Variants in ASB18 observed in about 807,000 individuals in gnomAD.
ASB18 encodes ankyrin repeat and SOCS box protein 18.
ASB18 carries 33 observed loss-of-function variants against 33.4 expected under a neutral mutation model. The ratio of observed to expected loss-of-function variants is 0.99; its 90% CI spans 0.75 to 1.32. ASB18 has a LOEUF of 1.32. Among genes scored for constraint, ASB18 ranks in the 40% most tolerant of loss-of-function variants. The pLI is 0.00. For missense variants in ASB18, 694 were observed against 655.5 expected, an observed-to-expected ratio of 1.06 and a Z score of -0.64; for synonymous variants, 295 against 307.6, an observed-to-expected ratio of 0.96 and a Z score of 0.43.
chr2:236,202,899 T>A (rs1389634103), intron 4 of ASB18, among the ~76,000 whole-genome samples: 1 of 151,798 alleles, frequency 6.6e-6, no homozygotes, highest in Non-Finnish European at 1.5e-5. Flanking sequence ...CATTTCTCTC[T>A]TAACCAGTTC....
Position 236,231,453 on chromosome 2 carries a change from C to A in ASB18, c.596+6236G>T, listed in dbSNP as rs2060564211. 6.6e-6 allele frequency among the ~76,000 whole-genome samples: 1 copy of A among 152,166 alleles called. No homozygotes were observed. ...TTTGCCTCTTCCATTTTTTCTGCTC[C>A]TCTGCCATGTGACAATGCAGCAACA... On this transcript the variant is annotated intron_variant, in intron 3 of 5. Transcript: ENST00000409749. The surrounding 1 kb of genome is among the most constrained non-coding windows in gnomAD (Gnocchi z 5.5).
chr2:236,207,712 C>T (rs576739810), intron 4 of ASB18, among the ~76,000 whole-genome samples: 1 of 152,340 alleles, frequency 6.6e-6, no homozygotes, highest in Non-Finnish European at 1.5e-5. Context: ...CTTCTTCCTG[C>T]TACCCTCTTC....
At position 236,244,245 on chromosome 2, in the gene ASB18, A is replaced by G. The variant is rs541211781; in HGVS notation, c.206-2843T>C. On this transcript the variant is annotated intron_variant, in intron 1 of 5. Coordinates refer to ENST00000409749, the MANE Select transcript of ASB18 (RefSeq NM_212556.4). This position sits in a 1 kb window ranked among gnomAD's most constrained non-coding sequence, Gnocchi z 6.1. ...GCACATGAGTTACGATACAAACTAT[A>G]TGAGCAGAGGCTGGAGGGAGGTGAA... is the stretch of plus-strand genomic sequence containing the variant. Among the ~76,000 whole-genome samples the G allele has an allele frequency of 6.6e-6, 1 of 152,354 alleles. No individual in the cohort carries two copies. Among genetic ancestry groups the G allele is most frequent in the African/African-American group, 2.4e-5 (1 of 41,578 alleles).
At chr2:236,230,387 C>G (rs1381457817) in intron 3 of ASB18, among the ~76,000 whole-genome samples, 3 of 149,570 alleles carry the variant, frequency 2.0e-5, no homozygotes, top group Non-Finnish European at 4.4e-5. Flanking sequence ...GAAAATGATA[C>G]TAGATGGAAT....
Position 236,256,776 on chromosome 2 carries a change from C to T in ASB18, c.205+7365G>A, listed in dbSNP as rs1042675814. On this transcript the variant is annotated intron_variant, in intron 1 of 5. Coordinates refer to ENST00000409749, the MANE Select transcript of ASB18 (RefSeq NM_212556.4). The surrounding 1 kb of genome is among the most constrained non-coding windows in gnomAD (Gnocchi z 4.7). ...AGTTCATACTTGGGGGGAGCTGAGA[C>T]GCGACCCTGTAGGATTTTTTTTCTT... Among the ~76,000 whole-genome samples the T allele has an allele frequency of 3.9e-5, 6 of 152,162 alleles. No individual in the cohort carries two copies. The highest frequency in any genetic ancestry group is 7.3e-5 in the Non-Finnish European group (5 of 68,042).
Position 236,223,899 on chromosome 2 carries a change from A to G in ASB18, c.597-9033T>C, listed in dbSNP as rs1559332192. ...GAGTCATATTCAATTGTATGGATATACCACAATTTTAAGCCATTTTCCCAT... is the reference window on the plus strand; with the variant it reads ...GAGTCATATTCAATTGTATGGATATGCCACAATTTTAAGCCATTTTCCCAT... On this transcript the variant is annotated intron_variant, in intron 3 of 5. Coordinates refer to ENST00000409749, the MANE Select transcript of ASB18 (RefSeq NM_212556.4). This position sits in a 1 kb window ranked among gnomAD's most constrained non-coding sequence, Gnocchi z 4.6. 6.6e-6 allele frequency among the ~76,000 whole-genome samples: 1 copy of G among 152,194 alleles called. No individual in the cohort carries two copies. The highest frequency in any genetic ancestry group is 1.5e-5 in the Non-Finnish European group (1 of 68,034).
rs1230488583 is a variant in ASB18, at chr2:236,223,526, T to C, written c.597-8660A>G. 6.6e-6 allele frequency among the ~76,000 whole-genome samples: 1 copy of C among 152,234 alleles called. No homozygotes were observed. The highest frequency in any genetic ancestry group is 1.5e-5 in the Non-Finnish European group (1 of 68,038). ...GAAACATTGTATGCATGTAGGTATG[T>C]ATGTATATTTTAATACAATAACTTC... On this transcript the variant is annotated intron_variant, in intron 3 of 5. Coordinates refer to ENST00000409749, the MANE Select transcript of ASB18 (RefSeq NM_212556.4). The surrounding 1 kb of genome is among the most constrained non-coding windows in gnomAD (Gnocchi z 4.6).
rs2060517575 is a variant in ASB18 at position 236,222,599 on chromosome 2, C to T, written c.597-7733G>A. Among the ~76,000 whole-genome samples, 1 of 152,182 alleles carries T rather than the reference C, an allele frequency of 6.6e-6. No homozygotes were observed. The highest frequency in any genetic ancestry group is 2.4e-5 in the African/African-American group (1 of 41,450). ...TCATATTGAAATGTAATCCCCAATG[C>T]TGGGGGCAGGATGGGGCCTGGTGGG... On this transcript the variant is annotated intron_variant, in intron 3 of 5. Transcript: ENST00000409749. This position sits in a 1 kb window ranked among gnomAD's most constrained non-coding sequence, Gnocchi z 5.5.
intron 3 of ASB18, among the ~76,000 whole-genome samples, chr2:236,233,430 C>G (rs553279186): frequency 6.6e-6 from 1 of 151,880 alleles, no homozygotes; most frequent in South Asian, 2.1e-4. Flanking sequence ...GAGGTTCTAG[C>G]CAGTGCAATA....
Position 236,229,779 on chromosome 2 carries a change from T to C in ASB18, c.596+7910A>G, listed in dbSNP as rs894143205. Among the ~76,000 whole-genome samples the C allele has an allele frequency of 6.6e-6, 1 of 152,112 alleles. No individual in the cohort carries two copies. Among genetic ancestry groups the C allele is most frequent in the Non-Finnish European group, 1.5e-5 (1 of 68,028 alleles). On this transcript the variant is annotated intron_variant, in intron 3 of 5. Coordinates refer to ENST00000409749, the MANE Select transcript of ASB18 (RefSeq NM_212556.4). This position sits in a 1 kb window ranked among gnomAD's most constrained non-coding sequence, Gnocchi z 5.2. ...TCATGTGAATCCGGGAAGCAGAGGTTGCAGTGAGCTGAGATCATGCCACTG... is the reference window on the plus strand; with the variant it reads ...TCATGTGAATCCGGGAAGCAGAGGTCGCAGTGAGCTGAGATCATGCCACTG...
intron 4 of ASB18, among the ~76,000 whole-genome samples, chr2:236,210,102 G>A (rs1043977172): frequency 3.3e-5 from 5 of 152,238 alleles, no homozygotes; most frequent in Non-Finnish European, 5.9e-5. Context: ...TCACCTTAGT[G>A]TGTGTACTTG....
At chr2:236,198,185 A>G (rs1454908975) in intron 4 of ASB18, among the ~76,000 whole-genome samples, 1 of 152,136 alleles carries the variant, frequency 6.6e-6, no homozygotes, top group Admixed American at 6.6e-5. Flanking sequence ...TGACAAACTA[A>G]AAAAAATTCA....
At position 236,193,822 on chromosome 2, in the gene ASB18, G is replaced by A. The variant is rs1041343854; in HGVS notation, c.*1050C>T. Among the ~76,000 whole-genome samples the A allele has an allele frequency of 6.6e-6, 1 of 152,112 alleles. No individual in the cohort carries two copies. Among genetic ancestry groups the A allele is most frequent in the Non-Finnish European group, 1.5e-5 (1 of 68,026 alleles). On this transcript the variant is annotated 3_prime_UTR_variant, in exon 6 of 6. Transcript: ENST00000409749. This position sits in a 1 kb window ranked among gnomAD's most constrained non-coding sequence, Gnocchi z 5.0. ...GAAACAAGACTGATTCCTGGGCAAGGCCACTGTCTGTATGGGTTTTCTCTG... is the reference window on the plus strand; with the variant it reads ...GAAACAAGACTGATTCCTGGGCAAGACCACTGTCTGTATGGGTTTTCTCTG...
In ASB18 at chr2:236,257,079, C is replaced by T. The variant is rs2060695909; in HGVS notation, c.205+7062G>A. Among the ~76,000 whole-genome samples, 1 of 152,152 alleles carries T rather than the reference C, an allele frequency of 6.6e-6. No homozygotes were observed. The highest frequency in any genetic ancestry group is 1.5e-5 in the Non-Finnish European group (1 of 68,032). On this transcript the variant is annotated intron_variant, in intron 1 of 5. Transcript: ENST00000409749. This position sits in a 1 kb window ranked among gnomAD's most constrained non-coding sequence, Gnocchi z 5.5. Reference sequence around the variant, plus strand: ...GTATTTCTAATAAATTCCACTTGATCTGGGTGAATCAATTCAGGCAGCGCA... The same window carrying T: ...GTATTTCTAATAAATTCCACTTGATTTGGGTGAATCAATTCAGGCAGCGCA...
chr2:236,198,865 T>C (rs561284545), intron 4 of ASB18, among the ~76,000 whole-genome samples: 1 of 152,322 alleles, frequency 6.6e-6, no homozygotes, highest in African/African-American at 2.4e-5. Flanking sequence ...TCAATATTAA[T>C]ATTTCTTGTC....
chr2:236,214,483 GC>G lies in ASB18; in HGVS notation c.979del (p.Ala327ProfsTer43). 1 of 1,499,108 alleles carries G rather than the reference GC, an allele frequency of 6.7e-7. No individual in the cohort carries two copies. Among genetic ancestry groups the G allele is most frequent in the Admixed American group, 2.1e-5 (1 of 47,954 alleles). 92.9% of individuals were successfully genotyped at this position (1,499,108 alleles called of 1,614,324 possible). On this transcript the variant is annotated frameshift_variant, in exon 4 of 6. Coordinates refer to ENST00000409749, the MANE Select transcript of ASB18 (RefSeq NM_212556.4). LOFTEE classifies it high-confidence loss of function. This position sits in a 1 kb window ranked among gnomAD's most constrained non-coding sequence, Gnocchi z 6.5. ...CTGGAGCACGCGGCCCAGCGGCGAG[GC>G]CCCGCCATAGTCGAGCGCGCCCGCG... The part of the protein sequence containing the change: ...ADAGALDYGG[A>X]SPLGRVLQTA...
rs2060361593 is a variant in ASB18, at chr2:236,194,461, A to G, written c.*411T>C. 6.6e-6 allele frequency among the ~76,000 whole-genome samples: 1 copy of G among 152,236 alleles called. No homozygotes were observed. The highest frequency in any genetic ancestry group is 2.4e-5 in the African/African-American group (1 of 41,466). The stretch of plus-strand genomic sequence containing the variant: ...CTTTTTGTGACCAGAAATATGCTGT[A>G]GGAACATCATTCTTGTTTATATCAA... On this transcript the variant is annotated 3_prime_UTR_variant, in exon 6 of 6. Coordinates refer to ENST00000409749, the MANE Select transcript of ASB18 (RefSeq NM_212556.4). This position sits in a 1 kb window ranked among gnomAD's most constrained non-coding sequence, Gnocchi z 4.5.
Position 236,262,038 on chromosome 2 carries a change from C to CTGATA in ASB18, c.205+2102_205+2103insTATCA, listed in dbSNP as rs1181972073. On this transcript the variant is annotated intron_variant, in intron 1 of 5. Transcript: ENST00000409749. The surrounding 1 kb of genome is among the most constrained non-coding windows in gnomAD (Gnocchi z 5.2). ...AGATTTGGGTGGGGACACAGCCAAA[C>CTGATA]CATATCAGTATGTAATTTATAACTG... Among the ~76,000 whole-genome samples, 1 of 152,078 alleles carries CTGATA rather than the reference C, an allele frequency of 6.6e-6. No individual in the cohort carries two copies. Among genetic ancestry groups the CTGATA allele is most frequent in the African/African-American group, 2.4e-5 (1 of 41,366 alleles).
chr2:236,211,638 G>A lies in ASB18; in HGVS notation c.1101+2724C>T, dbSNP rs2060459153. Among the ~76,000 whole-genome samples, 1 of 152,216 alleles carries A rather than the reference G, an allele frequency of 6.6e-6. No individual in the cohort carries two copies. Among genetic ancestry groups the A allele is most frequent in the Non-Finnish European group, 1.5e-5 (1 of 68,042 alleles). ...CGTGTGGTGCCTGCCCAGCATCTTT[G>A]TGGCTGGCTGCAGCGTCTGTTGCTT... On this transcript the variant is annotated intron_variant, in intron 4 of 5. Transcript: ENST00000409749. This position sits in a 1 kb window ranked among gnomAD's most constrained non-coding sequence, Gnocchi z 5.0.
Sources: allele counts gnomAD v4.1 joint callset (sites outside exome capture counted in the v4.1 genomes callset), GRCh38; gene constraint gnomAD v4.1.1; non-coding constraint Gnocchi (gnomAD v3.1); transcripts MANE v1.5; gene names NCBI Gene and HGNC (gene_info 2026-07-23, HGNC 2026-07-21).